The following PLB1 variants were observed in gnomAD, a reference collection of about 807,000 sequenced individuals.
PLB1 encodes the protein phospholipase B1.
In PLB1, 242 loss-of-function variants were observed where a neutral mutation model predicts 227.4. The ratio of observed to expected loss-of-function variants is 1.06; its 90% CI spans 0.96 to 1.18. The LOEUF (loss-of-function observed/expected upper bound fraction) is 1.18, where lower values mean the gene tolerates loss of function less well. Ranked by LOEUF, PLB1 falls within the 50% of genes most tolerant of loss-of-function variation. The pLI is 0.00. For synonymous variants in PLB1, 757 were observed against 682.2 expected, an observed-to-expected ratio of 1.11 and a Z score of -1.71; for missense variants, 1,858 against 1,816.3, an observed-to-expected ratio of 1.02 and a Z score of -0.42.
intron 47 of PLB1, 120 bp from the exon 48 acceptor site, chr2:28,620,480 G>A: frequency 7.2e-7 from 1 of 1,394,746 alleles, no homozygotes; most frequent in Non-Finnish European, 9.8e-7. Flanking sequence ...TTACCCCTGA[G>A]GGTGATGGGA....
At chr2:28,598,519 CT>C in intron 34 of PLB1, 132 bp from the exon 35 acceptor site, 1 of 693,592 alleles carries the variant, frequency 1.4e-6, no homozygotes, top group South Asian at 1.7e-5. Flanking sequence ...CACACACTGC[CT>C]CCCTGCCTCT....
At chr2:28,542,677 G>A (rs1035351529) in intron 13 of PLB1, among the ~76,000 whole-genome samples, 5 of 152,066 alleles carry the variant, frequency 3.3e-5, no homozygotes, top group Non-Finnish European at 7.4e-5. Flanking sequence ...GCCCTTGCCC[G>A]CTCCCCCAGG....
At position 28,618,378 on chromosome 2, in the gene PLB1, C is replaced by T. The variant is rs201645442; in HGVS notation, c.3294C>T (p.Ala1098=). 23 of 1,613,994 alleles carry T rather than the reference C, an allele frequency of 1.4e-5. No individual in the cohort carries two copies. Among genetic ancestry groups the T allele is most frequent in the South Asian group, 5.5e-5 (5 of 91,088 alleles). The change falls in exon 46 of 58, where the codon GCC becomes GCT. Residue 1098 remains alanine (A), a synonymous_variant. Transcript: ENST00000327757. ...QLRPADIKVV[A]ALGDSLTTAV... ...GACCAGCAGACATCAAAGTGGTGGC[C>T]GCCCTGGGTGACTCTCTGACTGTGA...
At position 28,589,781 on chromosome 2, in the gene PLB1, G is replaced by C. The variant is rs1321216920; in HGVS notation, c.2016+11G>C. The C allele has an allele frequency of 1.2e-6, 2 of 1,610,394 alleles. No homozygotes were observed. The highest frequency in any genetic ancestry group is 2.2e-5 in the South Asian group (2 of 91,040). On this transcript the variant is annotated intron_variant, in intron 28 of 57. Coordinates refer to ENST00000327757, the MANE Select transcript of PLB1 (RefSeq NM_153021.5). ...CTCTGGAACAATATGGTAAGTGGCT[G>C]CGGTAGGAAAATGCATCCTCCCTCT...
In PLB1 at chr2:28,565,294, C is replaced by T. The variant is rs199926875; in HGVS notation, c.1221C>T (p.Ala407=). 2.3e-5 allele frequency: 37 copies of T among 1,611,742 alleles called. No homozygotes were observed. In the East Asian group the frequency reaches 2.9e-4, roughly 13 times the overall value. The change falls in exon 19 of 58, where the codon GCC becomes GCT. Residue 407 remains alanine (A), a synonymous_variant. Coordinates refer to ENST00000327757, the MANE Select transcript of PLB1 (RefSeq NM_153021.5). The part of the protein sequence containing the change: ...LGDSLTAGNG[A]GSTPGNVLDV... ...TTCCCTCTCAGGCAGGCAATGGGGC[C>T]GGGTCCACACCTGGGAACGTCTTGG...
intron 1 of PLB1, among the ~76,000 whole-genome samples, chr2:28,506,176 C>A (rs1667616927): frequency 6.6e-6 from 1 of 152,188 alleles, no homozygotes; most frequent in Non-Finnish European, 1.5e-5. Context: ...TGTTAAGGAA[C>A]CCTCTGGGGA....
chr2:28,563,209 AC>A, intron 18 of PLB1, 110 bp downstream of exon 18: 1 of 1,082,534 alleles, frequency 9.2e-7, no homozygotes, highest in Non-Finnish European at 1.4e-6. Flanking sequence ...CTTAGATGCT[AC>A]CATCTCGGGT....
chr2:28,612,609 CTT>C (rs34185578), intron 43 of PLB1, among the ~76,000 whole-genome samples: 49 of 137,344 alleles, frequency 3.6e-4, no homozygotes, highest in Admixed American at 5.8e-4. Context: ...CTGGTTTTCC[CTT>C]TTTTTTTTTT....
At chr2:28,556,940 C>T (rs984726584) in intron 17 of PLB1, among the ~76,000 whole-genome samples, 1 of 152,014 alleles carries the variant, frequency 6.6e-6, no homozygotes, top group South Asian at 2.1e-4. Context: ...GAAAAATGGC[C>T]GGGTTACAGC....
At chr2:28,602,737 A>G in intron 38 of PLB1, 84 bp from the exon 39 acceptor site, 1 of 1,233,852 alleles carries the variant, frequency 8.1e-7, no homozygotes, top group African/African-American at 1.5e-5. Flanking sequence ...CTGGATTGCT[A>G]AAGGAACCCA....
chr2:28,618,379 G>C lies in PLB1; in HGVS notation c.3295G>C (p.Ala1099Pro). ...ACCAGCAGACATCAAAGTGGTGGCCGCCCTGGGTGACTCTCTGACTGTGAG... is the reference window on the plus strand; with the variant it reads ...ACCAGCAGACATCAAAGTGGTGGCCCCCCTGGGTGACTCTCTGACTGTGAG... ...LRPADIKVVAALGDSLTTAVG... is the reference protein window; with the variant it reads ...LRPADIKVVAPLGDSLTTAVG... Residue 1099 changes from alanine (A) to proline (P), a missense_variant, in exon 46 of 58, where the codon GCC becomes CCC. Transcript: ENST00000327757. 1 of 1,614,060 alleles carries C rather than the reference G, an allele frequency of 6.2e-7. No individual in the cohort carries two copies. Among genetic ancestry groups the C allele is most frequent in the South Asian group, 1.1e-5 (1 of 91,076 alleles).
chr2:28,613,278 C>G (rs905761006), intron 43 of PLB1, among the ~76,000 whole-genome samples: 16 of 152,230 alleles, frequency 1.1e-4, no homozygotes, highest in African/African-American at 3.9e-4. Context: ...CATGGGCTTA[C>G]TACTCCACTG....
At chr2:28,573,974 G>A (rs765089298) in intron 21 of PLB1, among the ~76,000 whole-genome samples, 1 of 152,206 alleles carries the variant, frequency 6.6e-6, no homozygotes, top group African/African-American at 2.4e-5. Context: ...CAGTGAGCAC[G>A]GCCATCACTG....
chr2:28,635,882 T>G (rs560826501), intron 56 of PLB1, among the ~76,000 whole-genome samples: 3 of 152,328 alleles, frequency 2.0e-5, no homozygotes, highest in African/African-American at 7.2e-5. Context: ...AGGTGCTGGG[T>G]GACAGCTCCA....
chr2:28,563,940 T>A (rs1004202792), intron 18 of PLB1, among the ~76,000 whole-genome samples: 1 of 152,162 alleles, frequency 6.6e-6, no homozygotes, highest in African/African-American at 2.4e-5. Context: ...ATGACTTTCT[T>A]TAGATTCAAC....
At chr2:28,640,712 C>T (rs960346924) in intron 56 of PLB1, among the ~76,000 whole-genome samples, 3 of 152,152 alleles carry the variant, frequency 2.0e-5, no homozygotes, top group Non-Finnish European at 2.9e-5. Flanking sequence ...TCTGCCCTGC[C>T]GACAGATGCT....
chr2:28,549,871 A>AGGG, intron 15 of PLB1, 139 bp from the exon 16 acceptor site: 1 of 614,876 alleles, frequency 1.6e-6, no homozygotes, highest in Non-Finnish European at 2.9e-6. Flanking sequence ...GAGAAGAGCC[A>AGGG]GAGAATGGTT....
Position 28,578,096 on chromosome 2 carries a change from T to C in PLB1, c.1434-11T>C, listed in dbSNP as rs759210525. The C allele has an allele frequency of 6.2e-7, 1 of 1,613,764 alleles. No individual in the cohort carries two copies. Among genetic ancestry groups the C allele is most frequent in the East Asian group, 2.2e-5 (1 of 44,872 alleles). On this transcript the variant is annotated splice_polypyrimidine_tract_variant and intron_variant, in intron 21 of 57. Transcript: ENST00000327757. ...ACTCCTCACAGCACTTCCTCTGGTATGTTTCCACAGGGATCTACCTGTCCA... is the reference window on the plus strand; with the variant it reads ...ACTCCTCACAGCACTTCCTCTGGTACGTTTCCACAGGGATCTACCTGTCCA...
intron 35 of PLB1, among the ~76,000 whole-genome samples, chr2:28,600,057 A>G (rs1451646601): frequency 6.6e-6 from 1 of 151,902 alleles, no homozygotes; most frequent in Non-Finnish European, 1.5e-5. Flanking sequence ...ACAGGCATGT[A>G]CCACTATACC....
Sources: gnomAD v4.1 joint callset for allele counts (sites outside exome capture counted in the v4.1 genomes callset) on GRCh38, gnomAD v4.1.1 for gene constraint, MANE v1.5 for transcripts, NCBI Gene and HGNC (gene_info 2026-07-23, HGNC 2026-07-21) for gene names.